Variants in GGA1 observed in about 807,000 individuals in gnomAD.
The protein encoded by GGA1 is golgi associated, gamma adaptin ear containing, ARF binding protein 1.
A neutral mutation model predicts 76.9 loss-of-function variants in GGA1; 18 were observed. The observed-to-expected ratio is 0.23, with a 90% CI of 0.16 to 0.35. The LOEUF (loss-of-function observed/expected upper bound fraction) is 0.35, where lower values mean the gene tolerates loss of function less well. GGA1 is among the 10% of genes least tolerant of loss of function. The pLI is 1.00. For synonymous variants in GGA1, 342 were observed against 354.7 expected (o/e 0.96, Z 0.40); for missense variants, 755 against 859.0 (o/e 0.88, Z 1.51).
chr22:37,624,289 A>G lies in GGA1; in HGVS notation c.832+656A>G, dbSNP rs1930414025. ...CAGGCACTGTTCTAGGCCCTCAGGG[A>G]TCTGGCACTGATCAAAGTTTGCAAA... On this transcript the variant is annotated intron_variant, in intron 9 of 16. Coordinates refer to ENST00000343632, the MANE Select transcript of GGA1 (RefSeq NM_013365.5). This position sits in a 1 kb window ranked among gnomAD's most constrained non-coding sequence, Gnocchi z 4.3. 6.4e-6 allele frequency: 1 copy of G among 155,440 alleles called. No individual in the cohort carries two copies. Among genetic ancestry groups the G allele is most frequent in the Admixed American group, 6.2e-5 (1 of 16,032 alleles). The allele number at this position is 155,440 out of a possible 1,614,324, so 9.6% of individuals were successfully genotyped here.
Position 37,621,606 on chromosome 22 carries a change from G to C in GGA1, c.529-10G>C. ...GCTGCCCTCACGGTCACACCCCTCTGTCTCTGCAGATGCTGGCCCGCCTGC... is the reference window on the plus strand; with the variant it reads ...GCTGCCCTCACGGTCACACCCCTCTCTCTCTGCAGATGCTGGCCCGCCTGC... On this transcript the variant is annotated splice_polypyrimidine_tract_variant and intron_variant, in intron 6 of 16. Transcript: ENST00000343632. The C allele has an allele frequency of 3.2e-6, 5 of 1,546,112 alleles. No homozygotes were observed. Among genetic ancestry groups the C allele is most frequent in the Non-Finnish European group, 4.4e-6 (5 of 1,142,126 alleles).
chr22:37,621,567 C>G, intron 6 of GGA1, 49 bp from the exon 7 acceptor site: 2 of 1,246,076 alleles, frequency 1.6e-6, no homozygotes, highest in Non-Finnish European at 2.3e-6. Context: ...AGTCTTCTGA[C>G]CCCTGGCCCA....
In GGA1 at chr22:37,623,500, G is replaced by T; in HGVS notation, c.750+33G>T. ...TGCCTCCCTGCCTACCCCACTCCCT[G>T]CCCACTCCACAGCCCACGCGGACCC... On this transcript the variant is annotated intron_variant, in intron 8 of 16. Transcript: ENST00000343632. This position sits in a 1 kb window ranked among gnomAD's most constrained non-coding sequence, Gnocchi z 4.6. 1 of 1,613,188 alleles carries T rather than the reference G, an allele frequency of 6.2e-7. No individual in the cohort carries two copies. Among genetic ancestry groups the T allele is most frequent in the Non-Finnish European group, 8.5e-7 (1 of 1,179,428 alleles).
At chr22:37,619,812 T>G (rs754637754) in intron 4 of GGA1, 1 of 778,494 alleles carries the variant, frequency 1.3e-6, no homozygotes, top group East Asian at 2.4e-5. Context: ...GACTCTGCTG[T>G]GAGAGCCACT....
At chr22:37,628,426 G>A (rs1931234761) in intron 11 of GGA1, among the ~76,000 whole-genome samples, 1 of 152,196 alleles carries the variant, frequency 6.6e-6, no homozygotes, top group African/African-American at 2.4e-5. Flanking sequence ...TGGCAGAGTT[G>A]TGTTCAAATG....
chr22:37,616,543 C>G (rs1928825371), intron 2 of GGA1, among the ~76,000 whole-genome samples: 1 of 152,220 alleles, frequency 6.6e-6, no homozygotes, highest in Non-Finnish European at 1.5e-5. Context: ...TCCCAGGGAA[C>G]TGTGTCTGCC....
intron 7 of GGA1, among the ~76,000 whole-genome samples, chr22:37,622,694 T>C (rs1930115794): frequency 6.6e-6 from 1 of 152,186 alleles, no homozygotes; most frequent in Non-Finnish European, 1.5e-5. Flanking sequence ...AAAAAAAGTT[T>C]CAAAGCTGGA....
At position 37,620,251 on chromosome 22, in the gene GGA1, G is replaced by C; in HGVS notation, c.317G>C (p.Arg106Pro). The change falls in exon 5 of 17, where the codon CGG becomes CCG. Residue 106 changes from arginine to proline, a missense_variant. Transcript: ENST00000343632. Reference sequence around the variant, plus strand: ...GTGTCCCTGAAGTATCTGGGCTCTCGGACATCGGAGAAGGTGAAGAACAAG... The same window carrying C: ...GTGTCCCTGAAGTATCTGGGCTCTCCGACATCGGAGAAGGTGAAGAACAAG... ...KVVSPKYLGSRTSEKVKNKIL... is the reference protein window; with the variant it reads ...KVVSPKYLGSPTSEKVKNKIL... 6.2e-7 allele frequency: 1 copy of C among 1,613,970 alleles called. No individual in the cohort carries two copies. Among genetic ancestry groups the C allele is most frequent in the Non-Finnish European group, 8.5e-7 (1 of 1,179,916 alleles).
At chr22:37,628,967 C>T (rs1193172038) in intron 11 of GGA1, among the ~76,000 whole-genome samples, 1 of 152,230 alleles carries the variant, frequency 6.6e-6, no homozygotes, top group East Asian at 1.9e-4. Flanking sequence ...AGAGGGCCTT[C>T]AGCGTCGCCT....
At chr22:37,617,511 G>T in intron 3 of GGA1, 1 of 990,718 alleles carries the variant, frequency 1.0e-6, no homozygotes, top group Non-Finnish European at 1.2e-6. Flanking sequence ...GATTTTAAGT[G>T]GTGGTAGAGA....
At chr22:37,622,858 G>A (rs1290309418) in intron 7 of GGA1, among the ~76,000 whole-genome samples, 2 of 152,312 alleles carry the variant, frequency 1.3e-5, no homozygotes, top group South Asian at 2.1e-4. Flanking sequence ...TTGAAGGCAC[G>A]GGCTCCCCCA....
Position 37,630,013 on chromosome 22 carries a change from GAGCCCCC to G in GGA1, c.1181_1187del (p.Pro394LeufsTer28). ...TTCCCCACAGTCGTCGGATGCCACTGAGCCCCCAGCCCCTGCTCTGGCCCAGGCCCCC... is the reference window on the plus strand; with the variant it reads ...TTCCCCACAGTCGTCGGATGCCACTGAGCCCCTGCTCTGGCCCAGGCCCCC... On this transcript the variant is annotated frameshift_variant, in exon 13 of 17. Transcript: ENST00000343632. LOFTEE classifies it high-confidence loss of function. The G allele has an allele frequency of 6.4e-7, 1 of 1,567,542 alleles. No individual in the cohort carries two copies. The highest frequency in any genetic ancestry group is 8.6e-7 in the Non-Finnish European group (1 of 1,157,402).
At chr22:37,630,556 A>C (rs1931618385) in intron 13 of GGA1, 1 of 443,952 alleles carries the variant, frequency 2.3e-6, no homozygotes, top group Admixed American at 4.2e-5. Context: ...TGATCTCTCC[A>C]TCACCAAAGA....
At chr22:37,612,773 A>C in intron 1 of GGA1, 1 of 172,450 alleles carries the variant, frequency 5.8e-6, no homozygotes, top group Non-Finnish European at 1.0e-5. Context: ...GACTCGTCTC[A>C]AAAAAAAAAA....
chr22:37,617,268 G>A lies in GGA1; in HGVS notation c.204+271G>A, dbSNP rs984031556. On this transcript the variant is annotated intron_variant, in intron 3 of 16. Transcript: ENST00000343632. ...GGGTTCTTTGCTTCAGCTGCACATC[G>A]GCTGCCTCTCCAGGAAGCGTGTTCA... 12 of 1,344,188 alleles carry A rather than the reference G, an allele frequency of 8.9e-6. No homozygotes were observed. In the Admixed American group the frequency reaches 1.9e-4, roughly 21 times the overall value. 83.3% of individuals were successfully genotyped at this position (1,344,188 alleles called of 1,614,324 possible).
In GGA1 at chr22:37,630,883, T is replaced by C. The variant is rs546062780; in HGVS notation, c.1332-20T>C. 5 of 1,584,190 alleles carry C rather than the reference T, an allele frequency of 3.2e-6. No individual in the cohort carries two copies. Among genetic ancestry groups the C allele is most frequent in the Non-Finnish European group, 4.3e-6 (5 of 1,158,366 alleles). ...ACGCTGGCCAAGAATCACTTCTTAA[T>C]GCACTGTCCCCCGATTAAGGGAGAA... On this transcript the variant is annotated intron_variant, in intron 13 of 16. Transcript: ENST00000343632.
chr22:37,623,297 C>T lies in GGA1; in HGVS notation c.610-30C>T. 1 of 1,612,160 alleles carries T rather than the reference C, an allele frequency of 6.2e-7. No individual in the cohort carries two copies. Among genetic ancestry groups the T allele is most frequent in the Non-Finnish European group, 8.5e-7 (1 of 1,178,356 alleles). ...CAGTGCCTCGTCCAGGCCAAAGGTT[C>T]TCAGGGGCCCTTGGCCAATGTGTCC... is the stretch of plus-strand genomic sequence containing the variant. On this transcript the variant is annotated intron_variant, in intron 7 of 16. Coordinates refer to ENST00000343632, the MANE Select transcript of GGA1 (RefSeq NM_013365.5). This position sits in a 1 kb window ranked among gnomAD's most constrained non-coding sequence, Gnocchi z 4.6.
chr22:37,612,365 G>A (rs1243478181), intron 1 of GGA1, among the ~76,000 whole-genome samples: 8 of 148,840 alleles, frequency 5.4e-5, no homozygotes, highest in East Asian at 3.9e-4. Context: ...CCAGCTACTC[G>A]GGAGGCTGAG....
At position 37,630,176 on chromosome 22, in the gene GGA1, G is replaced by A. The variant is rs767097479; in HGVS notation, c.1331+6G>A. The A allele has an allele frequency of 6.4e-7, 1 of 1,555,976 alleles. No individual in the cohort carries two copies. Among genetic ancestry groups the A allele is most frequent in the East Asian group, 2.4e-5 (1 of 41,804 alleles). On this transcript the variant is annotated splice_donor_region_variant and intron_variant, in intron 13 of 16. Coordinates refer to ENST00000343632, the MANE Select transcript of GGA1 (RefSeq NM_013365.5). ...GAATCCCAGCAAGTGCGGTGGTGAGGGCCCACCATGGCTGGCATGGGGTGG... is the reference window on the plus strand; with the variant it reads ...GAATCCCAGCAAGTGCGGTGGTGAGAGCCCACCATGGCTGGCATGGGGTGG...
Sources: allele counts gnomAD v4.1 joint callset (sites outside exome capture counted in the v4.1 genomes callset), GRCh38; gene constraint gnomAD v4.1.1; non-coding constraint Gnocchi (gnomAD v3.1); transcripts MANE v1.5; gene names NCBI Gene and HGNC (gene_info 2026-07-23, HGNC 2026-07-21).